ARMCX4: variants seen among roughly 807,000 people sequenced by gnomAD.
The protein encoded by ARMCX4 is armadillo repeat containing X-linked 4, also known as armadillo repeat-containing X-linked protein 4.
ARMCX4 carries 3 observed loss-of-function variants against 34.7 expected under a neutral mutation model. That is an observed-to-expected ratio of 0.09 (90% CI 0.04 to 0.22). The LOEUF is 0.22. Ranked by LOEUF, ARMCX4 falls within the 10% of genes least tolerant of loss-of-function variation. The pLI is 1.00. For synonymous variants in ARMCX4, 513 were observed against 632.8 expected, an observed-to-expected ratio of 0.81 and a Z score of 2.84; for missense variants, 1,448 against 1,720.8, an observed-to-expected ratio of 0.84 and a Z score of 2.81.
intron 11 of ARMCX4, among the ~76,000 whole-genome samples, chrX:101,523,456 A>G (rs2147717598): frequency 8.9e-6 from 1 of 112,622 alleles, no homozygotes; most frequent in African/African-American, 3.2e-5. Context: ...CTAATTGGCT[A>G]AAGGATGCTT....
In ARMCX4 at chrX:101,445,781, G is replaced by C. The variant is rs2281308; in HGVS notation, n.269-217G>C. The stretch of plus-strand genomic sequence containing the variant: ...TATCTATTTTGTGGAGGGAGGATGT[G>C]AGGAGGGAAAAGAGGAGAGGGTGGG... On this transcript the variant is annotated intron_variant and non_coding_transcript_variant, in intron 3 of 3. Coordinates refer to the ARMCX4 transcript ENST00000430461. Among the ~76,000 whole-genome samples the C allele has an allele frequency of 2.1e-4, 23 of 111,108 alleles. 1 individual carries two copies. In the East Asian group the frequency reaches 6.5e-3, roughly 31 times the overall value.
In ARMCX4 at chrX:101,495,476, C is replaced by CT; in HGVS notation, c.*14_*15insT. 1 of 1,087,591 alleles carries CT rather than the reference C, an allele frequency of 9.2e-7. No individual in the cohort carries two copies. Among genetic ancestry groups the CT allele is most frequent in the South Asian group, 2.4e-5 (1 of 41,624 alleles). The allele number at this position is 1,087,591 out of a possible 1,213,427, so 89.6% of individuals were successfully genotyped here. A position where few individuals can be genotyped will look rare whatever the true frequency, so the allele number is the denominator to read the frequency against. On this transcript the variant is annotated 3_prime_UTR_variant, in exon 6 of 6. Coordinates refer to ENST00000423738, the MANE Select transcript of ARMCX4 (RefSeq NM_001256155.3). ...AGTAAACTCTGATTGGCTGTATGTT[C>CT]CCAAACAAATTTGAGTAATATTTTG...
At chrX:101,461,411 A>G (rs1932602249) in intron 4 of ARMCX4, among the ~76,000 whole-genome samples, 1 of 112,272 alleles carries the variant, frequency 8.9e-6, no homozygotes, top group African/African-American at 3.2e-5. Flanking sequence ...TTAAGGCTGA[A>G]TAATATTCCA....
At chrX:101,480,169 CACACACAT>C (rs1415082541) in intron 4 of ARMCX4, among the ~76,000 whole-genome samples, 6 of 106,855 alleles carry the variant, frequency 5.6e-5, no homozygotes, top group African/African-American at 1.8e-4. Flanking sequence ...CACACACACA[CACACACAT>C]ATATATGCAA....
chrX:101,466,246 G>C (rs898941424), intron 4 of ARMCX4, among the ~76,000 whole-genome samples: 2 of 112,079 alleles, frequency 1.8e-5, no homozygotes, highest in East Asian at 5.6e-4. Flanking sequence ...ACAAAACCAA[G>C]TGCATGTCAG....
downstream of ARMCX4, among the ~76,000 whole-genome samples, chrX:101,496,263 G>A (rs1556011830): frequency 2.7e-5 from 3 of 110,402 alleles, no homozygotes. Context: ...TTTTGTGACC[G>A]GAGGAATGAC....
intron 8 of ARMCX4, among the ~76,000 whole-genome samples, chrX:101,506,266 G>T (rs965294266): frequency 8.9e-6 from 1 of 112,073 alleles, no homozygotes; most frequent in South Asian, 3.7e-4. Flanking sequence ...ACTACTCAAG[G>T]TGCCTCATTT....
At chrX:101,466,692 G>T (rs781875995) in intron 4 of ARMCX4, among the ~76,000 whole-genome samples, 1 of 111,836 alleles carries the variant, frequency 8.9e-6, no homozygotes, top group East Asian at 2.8e-4. Flanking sequence ...CAGATCAGTG[G>T]TTTTTTGGGG....
chrX:101,443,993 A>G, intron 2 of ARMCX4: 1 of 381,859 alleles, frequency 2.6e-6, no homozygotes. Context: ...CCTGACACAT[A>G]AACTCTGGGA....
chrX:101,525,235 C>T (rs1319872883), intron 11 of ARMCX4, among the ~76,000 whole-genome samples: 1 of 112,117 alleles, frequency 8.9e-6, no homozygotes, highest in Non-Finnish European at 1.9e-5. Flanking sequence ...AGGGTCCTGA[C>T]TGTTAGAAGG....
At chrX:101,520,997 T>G in intron 11 of ARMCX4, among the ~76,000 whole-genome samples, 1 of 106,741 alleles carries the variant, frequency 9.4e-6, no homozygotes. Context: ...AATGATGAAG[T>G]CTTGGCTCAC....
chrX:101,429,194 G>A (rs1929827540), intron 2 of ARMCX4, among the ~76,000 whole-genome samples: 1 of 110,874 alleles, frequency 9.0e-6, no homozygotes, highest in Non-Finnish European at 1.9e-5. Flanking sequence ...TGGCGTTATA[G>A]GAATCAGACA....
intron 7 of ARMCX4, among the ~76,000 whole-genome samples, chrX:101,502,484 CCT>C (rs1934322855): frequency 8.9e-6 from 1 of 111,901 alleles, no homozygotes; most frequent in Non-Finnish European, 1.9e-5. Flanking sequence ...GAGGGCCTTT[CCT>C]GCCTTGGTCT....
rs1556008480 is a variant in ARMCX4, at chrX:101,490,497, C to G, written c.1908C>G (p.Phe636Leu). The change falls in exon 6 of 6, where the codon TTC becomes TTG. Residue 636 changes from phenylalanine to leucine, a missense_variant. Coordinates refer to ENST00000423738, the MANE Select transcript of ARMCX4 (RefSeq NM_001256155.3). Reference protein sequence around the residue: ...DSAQPEAVVSFQGEALLGTKN... With the variant: ...DSAQPEAVVSLQGEALLGTKN... ...CCCAGCCTGAGGCAGTGGTCAGTTT[C>G]CAGGGTGAGGCCTTGCTTGGCACCA... The G allele has an allele frequency of 8.7e-7, 1 of 1,154,000 alleles. No homozygotes were observed. The highest frequency in any genetic ancestry group is 3.3e-5 in the East Asian group (1 of 30,645).
chrX:101,494,630 A>T lies in ARMCX4; in HGVS notation c.6041A>T (p.Glu2014Val), dbSNP rs1173300680. 1.7e-6 allele frequency: 2 copies of T among 1,154,148 alleles called. No individual in the cohort carries two copies. Among genetic ancestry groups the T allele is most frequent in the African/African-American group, 3.6e-5 (2 of 55,621 alleles). Residue 2014 changes from glutamate to valine, a missense_variant, in exon 6 of 6, where the codon GAG (glutamate) becomes GTG (valine). Physicochemically the swap from Glu to Val is moderately radical, Grantham distance 121 (BLOSUM62 -2). This residue lies in a region of ARMCX4 where 1,343 missense variants were observed against 1,540.7 expected (regional missense o/e 0.87). Coordinates refer to ENST00000423738, the MANE Select transcript of ARMCX4 (RefSeq NM_001256155.3). Reference sequence around the variant, plus strand: ...GAGGCCAGCTTCCCAGTTGAAGATGAGTCCAGAAAACAAACCAGGACTGGG... The same window carrying T: ...GAGGCCAGCTTCCCAGTTGAAGATGTGTCCAGAAAACAAACCAGGACTGGG... Reference protein sequence around the residue: ...QSEASFPVEDESRKQTRTGEK... With the variant: ...QSEASFPVEDVSRKQTRTGEK...
chrX:101,512,480 T>C (rs1934601352), intron 11 of ARMCX4, among the ~76,000 whole-genome samples: 1 of 111,872 alleles, frequency 8.9e-6, no homozygotes, highest in Non-Finnish European at 1.9e-5. Context: ...TACTGCTCTG[T>C]GGAGTGAATC....
Position 101,488,093 on chromosome X carries a change from A to T in ARMCX4, c.-153A>T. 1.1e-6 allele frequency: 1 copy of T among 913,470 alleles called. No individual in the cohort carries two copies. The highest frequency in any genetic ancestry group is 1.4e-6 in the Non-Finnish European group (1 of 702,637). 75.3% of individuals were successfully genotyped at this position (913,470 alleles called of 1,213,427 possible). On this transcript the variant is annotated 5_prime_UTR_variant, in exon 5 of 6. Transcript: ENST00000423738. ...GGAGAGGAGGGAACTGCCTCGGATC[A>T]TTACAGGTTGGTATGAGGGTGGGGC... is the stretch of plus-strand genomic sequence containing the variant.
intron 1 of ARMCX4, chrX:101,418,673 C>A (rs1555989566): frequency 9.0e-6 from 1 of 111,547 alleles, no homozygotes; most frequent in Admixed American, 9.4e-5. Flanking sequence ...CCGGGGGAGT[C>A]CAGCTTCTCG....
chrX:101,420,239 A>G (rs1929155591), intron 2 of ARMCX4, among the ~76,000 whole-genome samples: 3 of 111,645 alleles, frequency 2.7e-5, no homozygotes, highest in Admixed American at 1.9e-4. Flanking sequence ...TGCGCCTGTA[A>G]TCCCAGCTAC....
Sources: allele counts gnomAD v4.1 joint callset (sites outside exome capture counted in the v4.1 genomes callset), GRCh38; gene constraint gnomAD v4.1.1; regional missense constraint gnomAD v4.1.1; transcripts MANE v1.5; gene names NCBI Gene and HGNC (gene_info 2026-07-23, HGNC 2026-07-21).